SDK1: variants seen among roughly 807,000 people sequenced by gnomAD.
SDK1 encodes the protein protein sidekick-1.
In SDK1, 157 loss-of-function variants were observed where a neutral mutation model predicts 245.5. That is an observed-to-expected ratio of 0.64 (90% CI 0.56 to 0.73). The LOEUF (loss-of-function observed/expected upper bound fraction) is 0.73. Ranked by LOEUF, SDK1 falls within the 30% of genes least tolerant of loss-of-function variation. The pLI is 0.00. For missense variants in SDK1, 3,583 were observed against 3,002.3 expected, an observed-to-expected ratio of 1.19 and a Z score of -4.52; for synonymous variants, 1,647 against 1,278.5, an observed-to-expected ratio of 1.29 and a Z score of -6.15.
At chr7:3,690,843 G>T (rs147943181) in intron 4 of SDK1, among the ~76,000 whole-genome samples, 1 of 152,112 alleles carries the variant, frequency 6.6e-6, no homozygotes, top group Non-Finnish European at 1.5e-5. Flanking sequence ...AATACTTTGC[G>T]TGTATATAAG....
At chr7:3,433,050 T>C (rs902408348) in intron 1 of SDK1, among the ~76,000 whole-genome samples, 1 of 152,194 alleles carries the variant, frequency 6.6e-6, no homozygotes, top group African/African-American at 2.4e-5. Context: ...TAGAGGAAGA[T>C]TTTCTCAAAC....
chr7:4,042,944 G>A (rs943449720), intron 17 of SDK1, among the ~76,000 whole-genome samples: 18 of 152,226 alleles, frequency 1.2e-4, no homozygotes, highest in African/African-American at 4.3e-4. Flanking sequence ...CCGAAGACCT[G>A]GGAATAAAAG....
At chr7:3,443,142 G>T (rs912503772) in intron 1 of SDK1, among the ~76,000 whole-genome samples, 3 of 151,344 alleles carry the variant, frequency 2.0e-5, no homozygotes, top group African/African-American at 7.3e-5. Context: ...GAGAGTTCAA[G>T]ATATTTTATG....
At chr7:3,328,574 C>G in intron 1 of SDK1, among the ~76,000 whole-genome samples, 1 of 152,004 alleles carries the variant, frequency 6.6e-6, no homozygotes, top group Non-Finnish European at 1.5e-5. Context: ...ACATAAAAGT[C>G]TCCTTCCCCT....
chr7:3,598,081 C>G (rs907074228), intron 1 of SDK1, among the ~76,000 whole-genome samples: 1 of 152,136 alleles, frequency 6.6e-6, no homozygotes, highest in Non-Finnish European at 1.5e-5. Context: ...GTTGCTACAC[C>G]TATTTGCCTA....
chr7:4,117,910 T>C (rs1449567445), intron 25 of SDK1, among the ~76,000 whole-genome samples: 3 of 152,216 alleles, frequency 2.0e-5, no homozygotes, highest in African/African-American at 7.2e-5. Flanking sequence ...TTTGACTGTA[T>C]GTCTACCTGG....
chr7:3,826,039 A>G (rs983385397), intron 5 of SDK1, among the ~76,000 whole-genome samples: 1 of 152,218 alleles, frequency 6.6e-6, no homozygotes, highest in South Asian at 2.1e-4. Context: ...TTTATAGTCA[A>G]GTCATGAGTT....
intron 1 of SDK1, among the ~76,000 whole-genome samples, chr7:3,446,189 T>C (rs1780336578): frequency 6.6e-6 from 1 of 152,144 alleles, no homozygotes; most frequent in African/African-American, 2.4e-5. Flanking sequence ...ATAAGATTGG[T>C]TATTGTAATT....
At chr7:3,546,848 G>GT (rs1779240211) in intron 1 of SDK1, among the ~76,000 whole-genome samples, 2 of 152,166 alleles carry the variant, frequency 1.3e-5, no homozygotes, top group African/African-American at 2.4e-5. Flanking sequence ...AGTTTATGAA[G>GT]TTAAGAGTTT....
chr7:3,429,237 T>A (rs369947473), intron 1 of SDK1, among the ~76,000 whole-genome samples: 4 of 60,172 alleles, frequency 6.6e-5, no homozygotes, highest in African/African-American at 3.6e-4. Context: ...AAAAATATGA[T>A]AAAAGGCTTT....
intron 4 of SDK1, among the ~76,000 whole-genome samples, chr7:3,699,832 T>G (rs62437931): frequency 6.6e-6 from 1 of 152,304 alleles, no homozygotes; most frequent in African/African-American, 2.4e-5. Flanking sequence ...TATGGCATTT[T>G]AAAACACATA....
At chr7:3,757,333 A>G (rs1779962353) in intron 4 of SDK1, among the ~76,000 whole-genome samples, 1 of 152,110 alleles carries the variant, frequency 6.6e-6, no homozygotes, top group Non-Finnish European at 1.5e-5. Flanking sequence ...TCCTGGTCTC[A>G]AGCGATCCTC....
intron 35 of SDK1, among the ~76,000 whole-genome samples, chr7:4,199,676 C>T (rs1056413383): frequency 1.3e-5 from 2 of 152,102 alleles, no homozygotes; most frequent in Admixed American, 6.5e-5. Flanking sequence ...TAAGGCCATC[C>T]CCTGGGGCTA....
intron 5 of SDK1, among the ~76,000 whole-genome samples, chr7:3,941,210 C>T (rs1033166910): frequency 2.0e-5 from 3 of 152,146 alleles, no homozygotes; most frequent in African/African-American, 7.2e-5. Flanking sequence ...TACTCACCCC[C>T]GTCTTTCTTC....
chr7:3,788,084 C>T (rs2115019789), intron 4 of SDK1, among the ~76,000 whole-genome samples: 1 of 152,306 alleles, frequency 6.6e-6, no homozygotes, highest in East Asian at 1.9e-4. Context: ...AAAGCTGCAG[C>T]CCCACCTCCC....
intron 4 of SDK1, among the ~76,000 whole-genome samples, chr7:3,731,216 T>A (rs1290779553): frequency 6.6e-6 from 1 of 152,174 alleles, no homozygotes. Flanking sequence ...ATGTTCTTCC[T>A]TCCACTTCTT....
At chr7:3,317,181 A>C (rs1475289725) in intron 1 of SDK1, among the ~76,000 whole-genome samples, 1 of 50,306 alleles carries the variant, frequency 2.0e-5, no homozygotes, top group Non-Finnish European at 3.8e-5. Flanking sequence ...ACTCTGTCTC[A>C]AAAAAAAAAA....
intron 4 of SDK1, among the ~76,000 whole-genome samples, chr7:3,789,968 A>G (rs889873056): frequency 6.6e-6 from 1 of 152,152 alleles, no homozygotes; most frequent in African/African-American, 2.4e-5. Flanking sequence ...GTTTACACAC[A>G]GCATGGTCGC....
intron 5 of SDK1, among the ~76,000 whole-genome samples, chr7:3,842,446 C>T (rs755415829): frequency 2.0e-5 from 3 of 146,692 alleles, no homozygotes; most frequent in African/African-American, 8.3e-5. Flanking sequence ...ACTGTGCTGG[C>T]GTGGGTACTG....
Sources: gnomAD v4.1 joint callset for allele counts (sites outside exome capture counted in the v4.1 genomes callset) on GRCh38, gnomAD v4.1.1 for gene constraint, MANE v1.5 for transcripts, NCBI Gene and HGNC (gene_info 2026-07-23, HGNC 2026-07-21) for gene names.